Variants in PIK3R4 observed in about 807,000 individuals in gnomAD.
The protein encoded by PIK3R4 is phosphoinositide 3-kinase regulatory subunit 4.
A neutral mutation model predicts 136.5 loss-of-function variants in PIK3R4; 46 were observed. The observed-to-expected ratio is 0.34, with a 90% CI of 0.27 to 0.43. The LOEUF (loss-of-function observed/expected upper bound fraction) is 0.43, where lower values mean the gene tolerates loss of function less well. Among genes scored for constraint, PIK3R4 ranks in the 20% least tolerant of loss-of-function variants. The pLI is 1.00. For synonymous variants in PIK3R4, 557 were observed against 566.7 expected (o/e 0.98, Z 0.24); for missense variants, 1,331 against 1,649.5 (o/e 0.81, Z 3.35).
At chr3:130,724,435 A>G (rs2066720278) in intron 6 of PIK3R4, among the ~76,000 whole-genome samples, 1 of 152,154 alleles carries the variant, frequency 6.6e-6, no homozygotes, top group African/African-American at 2.4e-5. Context: ...TAATTACAGT[A>G]TATTACTTGG....
chr3:130,712,493 A>AC (rs2066637949), intron 9 of PIK3R4, among the ~76,000 whole-genome samples: 1 of 151,588 alleles, frequency 6.6e-6, no homozygotes, highest in South Asian at 2.1e-4. Context: ...ACATGGAGAA[A>AC]CCCCGTCTCT....
At chr3:130,681,401 C>T in intron 17 of PIK3R4, 90 bp downstream of exon 17, 1 of 868,758 alleles carries the variant, frequency 1.2e-6, no homozygotes, top group Non-Finnish European at 1.9e-6. Context: ...AACCCAAAAG[C>T]CCAACAGATA....
intron 6 of PIK3R4, among the ~76,000 whole-genome samples, chr3:130,724,565 C>CA: frequency 6.6e-6 from 1 of 151,568 alleles, no homozygotes; most frequent in Non-Finnish European, 1.5e-5. Flanking sequence ...TTAACTATGA[C>CA]AAAAAAATTG....
At position 130,707,129 on chromosome 3, in the gene PIK3R4, T is replaced by G; in HGVS notation, c.2540A>C (p.Lys847Thr). ...TACATTTGAGTCTTGTTTTACATGT[T>G]TTCTGGCTATGAAAATATATTCAGA... ...KQEPDDKRAR[K>T]HVKQDSNVNE... Residue 847 changes from lysine to threonine, a missense_variant, in exon 11 of 20, where the codon AAA (lysine) becomes ACA (threonine). Lys to Thr is a moderately conservative substitution (Grantham distance 78, BLOSUM62 -1). Transcript: ENST00000356763. The G allele has an allele frequency of 6.2e-7, 1 of 1,600,560 alleles. No individual in the cohort carries two copies. Among genetic ancestry groups the G allele is most frequent in the Non-Finnish European group, 8.5e-7 (1 of 1,174,146 alleles).
chr3:130,684,817 A>C (rs1430424231), intron 15 of PIK3R4, among the ~76,000 whole-genome samples: 1 of 152,238 alleles, frequency 6.6e-6, no homozygotes, highest in Non-Finnish European at 1.5e-5. Flanking sequence ...TGTAGCTATC[A>C]TCAGATTTCA....
chr3:130,713,498 C>G (rs1310044760), intron 9 of PIK3R4, among the ~76,000 whole-genome samples: 1 of 152,088 alleles, frequency 6.6e-6, no homozygotes, highest in African/African-American at 2.4e-5. Flanking sequence ...TTACAAGAAC[C>G]GTAGGAAGCA....
intron 19 of PIK3R4, among the ~76,000 whole-genome samples, chr3:130,680,079 AAAG>A (rs1385884204): frequency 1.8e-4 from 27 of 151,918 alleles, no homozygotes; most frequent in African/African-American, 6.3e-4. Context: ...AAAAAAAAAA[AAAG>A]AGGTATAAAT....
chr3:130,707,003 G>C lies in PIK3R4; in HGVS notation c.2666C>G (p.Pro889Arg). 1 of 1,613,052 alleles carries C rather than the reference G, an allele frequency of 6.2e-7. No homozygotes were observed. The highest frequency in any genetic ancestry group is 1.1e-5 in the South Asian group (1 of 90,836). The change falls in exon 11 of 20, where the codon CCT becomes CGT. Residue 889 changes from proline to arginine, a missense_variant. Transcript: ENST00000356763. ...SDQEVIQTGK[P>R]PRSESSAGIC... ...GCCAGCAGAGGACTCGGAACGAGGA[G>C]GTTTCCCAGTCTGAATCACCTCCTG...
At chr3:130,711,628 T>C (rs2066633138) in intron 9 of PIK3R4, among the ~76,000 whole-genome samples, 1 of 152,244 alleles carries the variant, frequency 6.6e-6, no homozygotes, top group Non-Finnish European at 1.5e-5. Context: ...CATCATGTTC[T>C]GAGTTCTTAG....
At chr3:130,705,480 G>T in intron 12 of PIK3R4, 81 bp downstream of exon 12, 1 of 875,244 alleles carries the variant, frequency 1.1e-6, no homozygotes, top group Non-Finnish European at 1.8e-6. Flanking sequence ...TTGTCTGGTA[G>T]TTAAGTATTC....
chr3:130,680,912 C>T, intron 18 of PIK3R4, 65 bp downstream of exon 18: 1 of 835,570 alleles, frequency 1.2e-6, no homozygotes, highest in Non-Finnish European at 2.0e-6. Context: ...CATTACAGTG[C>T]CATCAGTATC....
intron 15 of PIK3R4, among the ~76,000 whole-genome samples, chr3:130,685,868 C>T (rs1413162509): frequency 6.6e-6 from 1 of 152,044 alleles, no homozygotes; most frequent in Non-Finnish European, 1.5e-5. Flanking sequence ...ACCATGCCTG[C>T]CCAAACTTGG....
intron 15 of PIK3R4, among the ~76,000 whole-genome samples, chr3:130,685,037 A>C (rs1391860785): frequency 1.3e-5 from 2 of 152,172 alleles, no homozygotes; most frequent in African/African-American, 4.8e-5. Flanking sequence ...ACAGAAGATA[A>C]CTCTCTGAAT....
At position 130,679,268 on chromosome 3, in the gene PIK3R4, A is replaced by G. The variant is rs2066438771; in HGVS notation, c.*47T>C. On this transcript the variant is annotated 3_prime_UTR_variant, in exon 20 of 20. Transcript: ENST00000356763. ...CTCTAGAAATGCCTTTTCTCGAGTT[A>G]TAGTATTATATTTATAACTATTAAA... The G allele has an allele frequency of 2.5e-6, 3 of 1,182,942 alleles. No homozygotes were observed. The highest frequency in any genetic ancestry group is 3.4e-6 in the Non-Finnish European group (3 of 869,688). 73.3% of individuals were successfully genotyped at this position (1,182,942 alleles called of 1,614,324 possible). A position where few individuals can be genotyped will look rare whatever the true frequency, so the allele number is the denominator to read the frequency against.
chr3:130,699,709 C>T (rs1317873228), intron 13 of PIK3R4, among the ~76,000 whole-genome samples: 1 of 152,076 alleles, frequency 6.6e-6, no homozygotes, highest in Non-Finnish European at 1.5e-5. Flanking sequence ...TCTGCCATTC[C>T]AAAATAGAAA....
At chr3:130,714,404 T>C (rs2066649785) in intron 9 of PIK3R4, among the ~76,000 whole-genome samples, 1 of 152,158 alleles carries the variant, frequency 6.6e-6, no homozygotes, top group African/African-American at 2.4e-5. Flanking sequence ...CATTTCTTTT[T>C]TTCTTGGCTT....
chr3:130,722,380 A>G (rs1188502711), intron 7 of PIK3R4, among the ~76,000 whole-genome samples: 1 of 152,186 alleles, frequency 6.6e-6, no homozygotes, highest in Non-Finnish European at 1.5e-5. Context: ...CCTGGGATCA[A>G]AGACTAGAAA....
chr3:130,726,020 T>C (rs1055503502), intron 6 of PIK3R4: 1 of 152,038 alleles, frequency 6.6e-6, no homozygotes, highest in Non-Finnish European at 1.5e-5. Flanking sequence ...GTGTCATGAG[T>C]TTTAAAAATA....
In PIK3R4 at chr3:130,703,834, ACAG is replaced by A; in HGVS notation, c.2984_2986del (p.Ala995del). 6.2e-7 allele frequency: 1 copy of A among 1,612,950 alleles called. No homozygotes were observed. The highest frequency in any genetic ancestry group is 8.5e-7 in the Non-Finnish European group (1 of 1,178,968). On this transcript the variant is annotated inframe_deletion, in exon 13 of 20. Coordinates refer to ENST00000356763, the MANE Select transcript of PIK3R4 (RefSeq NM_014602.3). ...TTCATCAGAGACTCTAATTCGATTC[ACAG>A]CAGATTTATGCTCATGAAGATGGGC...
Sources: gnomAD v4.1 joint callset for allele counts (sites outside exome capture counted in the v4.1 genomes callset) on GRCh38, gnomAD v4.1.1 for gene constraint, MANE v1.5 for transcripts, NCBI Gene and HGNC (gene_info 2026-07-23, HGNC 2026-07-21) for gene names.